The following FAM185A variants were observed in gnomAD, a reference collection of about 807,000 sequenced individuals.
The protein encoded by FAM185A is family with sequence similarity 185 member A, also known as protein FAM185A.
A neutral mutation model predicts 45.7 loss-of-function variants in FAM185A; 21 were observed. The observed-to-expected ratio is 0.46, with a 90% CI of 0.33 to 0.66. FAM185A has a LOEUF of 0.66. FAM185A is among the 30% of genes least tolerant of loss of function. The probability of loss-of-function intolerance (pLI) is 0.03; values close to 1 mark genes in which losing one functional copy is unlikely to be tolerated. For missense variants in FAM185A, 305 were observed against 485.4 expected, an observed-to-expected ratio of 0.63 and a Z score of 3.49; for synonymous variants, 117 against 194.0, an observed-to-expected ratio of 0.60 and a Z score of 3.30.
chr7:102,806,901 C>T (rs900162829), intron 7 of FAM185A, among the ~76,000 whole-genome samples: 4 of 151,970 alleles, frequency 2.6e-5, no homozygotes, highest in African/African-American at 9.7e-5. Flanking sequence ...GACGGGGCTG[C>T]CCAGAGTTCA....
chr7:102,796,241 C>A (rs1285182828), intron 7 of FAM185A, among the ~76,000 whole-genome samples: 1 of 152,208 alleles, frequency 6.6e-6, no homozygotes, highest in African/African-American at 2.4e-5. Flanking sequence ...GCCAGCTTAT[C>A]AATCTGGGTT....
At chr7:102,833,052 T>C in the FAM185A span, 1 of 1,488,228 alleles carries the variant, frequency 6.7e-7, no homozygotes, top group African/African-American at 1.4e-5. Flanking sequence ...GCTTATTAAA[T>C]GTACATTTCA....
At chr7:102,752,492 G>A (rs1169431488) in intron 2 of FAM185A, among the ~76,000 whole-genome samples, 1 of 151,636 alleles carries the variant, frequency 6.6e-6, no homozygotes, top group Non-Finnish European at 1.5e-5. Context: ...GGCTGGTCTC[G>A]ATCTCCTGAC....
At chr7:102,813,203 G>A, downstream of FAM185A, 3 of 764,666 alleles carry the variant, frequency 3.9e-6, no homozygotes, top group Non-Finnish European at 4.2e-6. Flanking sequence ...GGAAATATTT[G>A]TAGTTGGAAT....
intron 6 of FAM185A, among the ~76,000 whole-genome samples, chr7:102,780,684 A>G (rs990665182): frequency 6.6e-6 from 1 of 152,192 alleles, no homozygotes; most frequent in African/African-American, 2.4e-5. Flanking sequence ...TTTAGGGTGG[A>G]GCCAAGATGC....
At chr7:102,759,850 A>AT (rs1215256054) in intron 3 of FAM185A, among the ~76,000 whole-genome samples, 6 of 152,100 alleles carry the variant, frequency 3.9e-5, no homozygotes, top group Non-Finnish European at 8.8e-5. Context: ...GATGATGATG[A>AT]TAAAGGTAAA....
At chr7:102,846,453 T>C in the FAM185A span, among the ~76,000 whole-genome samples, 1 of 152,038 alleles carries the variant, frequency 6.6e-6, no homozygotes, top group Non-Finnish European at 1.5e-5. Context: ...ACACCATCTC[T>C]ACTAAAAATA....
At chr7:102,757,796 A>G (rs1376607260) in intron 2 of FAM185A, 58 bp from the exon 3 acceptor site, 1 of 1,233,534 alleles carries the variant, frequency 8.1e-7, no homozygotes, top group Non-Finnish European at 1.1e-6. Context: ...ATGTTTCACT[A>G]GTATAAGTCA....
At chr7:102,847,228 C>G in the FAM185A span, among the ~76,000 whole-genome samples, 1 of 151,912 alleles carries the variant, frequency 6.6e-6, no homozygotes, top group South Asian at 2.1e-4. Context: ...AAGCCTACCC[C>G]TGCTCTAGGG....
the FAM185A span, among the ~76,000 whole-genome samples, chr7:102,844,454 C>T: frequency 1.3e-5 from 2 of 152,184 alleles, no homozygotes; most frequent in East Asian, 1.9e-4. Context: ...CTCCCTTAGC[C>T]TGCCTGCGGC....
At chr7:102,823,635 A>G in the FAM185A span, among the ~76,000 whole-genome samples, 2 of 152,266 alleles carry the variant, frequency 1.3e-5, no homozygotes, top group East Asian at 3.8e-4. Context: ...CTTGCTGCAG[A>G]ATCAACTAGA....
the FAM185A span, among the ~76,000 whole-genome samples, chr7:102,842,453 T>G: frequency 6.6e-6 from 1 of 152,236 alleles, no homozygotes; most frequent in Non-Finnish European, 1.5e-5. Flanking sequence ...AAAATCAACT[T>G]TGGTTGAGCA....
intron 7 of FAM185A, among the ~76,000 whole-genome samples, chr7:102,802,492 A>C (rs1796854546): frequency 6.6e-6 from 1 of 152,214 alleles, no homozygotes; most frequent in Non-Finnish European, 1.5e-5. Flanking sequence ...CTTTGAACTG[A>C]AGGACAATAG....
At chr7:102,812,473 A>C (rs1325544101), downstream of FAM185A, among the ~76,000 whole-genome samples, 1 of 152,184 alleles carries the variant, frequency 6.6e-6, no homozygotes, top group Non-Finnish European at 1.5e-5. Context: ...CCCCTGACTA[A>C]GTCAAATGTT....
chr7:102,839,084 C>T, the FAM185A span, among the ~76,000 whole-genome samples: 12 of 152,220 alleles, frequency 7.9e-5, no homozygotes, highest in Non-Finnish European at 1.2e-4. Context: ...GGAGAAAAAC[C>T]GCCCTATGGC....
chr7:102,788,674 A>T (rs1795969259), intron 7 of FAM185A, among the ~76,000 whole-genome samples: 1 of 152,238 alleles, frequency 6.6e-6, no homozygotes, highest in African/African-American at 2.4e-5. Context: ...TTAATGACAG[A>T]GATACATTCT....
At chr7:102,842,376 T>A in the FAM185A span, among the ~76,000 whole-genome samples, 1 of 152,180 alleles carries the variant, frequency 6.6e-6, no homozygotes, top group Non-Finnish European at 1.5e-5. Flanking sequence ...AAAAAAATGT[T>A]GCTACATGGA....
At chr7:102,783,253 T>G (rs1468257820) in intron 6 of FAM185A, among the ~76,000 whole-genome samples, 1 of 151,884 alleles carries the variant, frequency 6.6e-6, no homozygotes, top group Non-Finnish European at 1.5e-5. Context: ...AGACAGAAAG[T>G]TAACAAGGAT....
chr7:102,762,395 G>C (rs1054793341), intron 4 of FAM185A, among the ~76,000 whole-genome samples: 2 of 152,126 alleles, frequency 1.3e-5, no homozygotes, highest in Non-Finnish European at 2.9e-5. Context: ...TTCAAATCCA[G>C]GTATGTTTTC....
Sources: gnomAD v4.1 joint callset for allele counts (sites outside exome capture counted in the v4.1 genomes callset) on GRCh38, gnomAD v4.1.1 for gene constraint, MANE v1.5 for transcripts, NCBI Gene and HGNC (gene_info 2026-07-23, HGNC 2026-07-21) for gene names.